The following CXCL12 variants were observed in gnomAD, a reference collection of about 807,000 sequenced individuals.
CXCL12 encodes C-X-C motif chemokine ligand 12.
A neutral mutation model predicts 10.7 loss-of-function variants in CXCL12; 4 were observed. That is an observed-to-expected ratio of 0.37 (90% CI 0.18 to 0.86). The LOEUF is 0.86. CXCL12 is among the 40% of genes least tolerant of loss of function. The pLI is 0.43. For missense variants in CXCL12, 122 were observed against 110.4 expected (o/e 1.10, Z -0.47); for synonymous variants, 54 against 45.4 (o/e 1.19, Z -0.77).
At chr10:44,383,150 C>G (rs563103278) in intron 1 of CXCL12, among the ~76,000 whole-genome samples, 3 of 152,316 alleles carry the variant, frequency 2.0e-5, no homozygotes, top group South Asian at 4.1e-4. Context: ...GGACCCCTGG[C>G]CAAGCTCTCT....
chr10:44,380,951 G>T, intron 1 of CXCL12, 71 bp from the exon 2 acceptor site: 2 of 1,157,728 alleles, frequency 1.7e-6, no homozygotes, highest in Non-Finnish European at 2.6e-6. Context: ...CTGGGCTGCA[G>T]CAGTTGGTGC....
chr10:44,375,925 G>C, downstream of CXCL12: 1 of 1,611,156 alleles, frequency 6.2e-7, no homozygotes. Flanking sequence ...GGTCCATCTC[G>C]AGGTGGCAGA....
At chr10:44,383,647 G>A (rs2132053275) in intron 1 of CXCL12, among the ~76,000 whole-genome samples, 1 of 136,080 alleles carries the variant, frequency 7.3e-6, no homozygotes, top group East Asian at 2.2e-4. Context: ...CACAGCCTCA[G>A]GGACTTTTCA....
At chr10:44,379,592 A>G (rs11594377) in intron 2 of CXCL12, among the ~76,000 whole-genome samples, 28,064 of 152,080 alleles carry the variant, frequency 0.18, 2,719 homozygotes, top group Non-Finnish European at 0.21. Context: ...GGGTGCAGAG[A>G]TGGGTGTGGC....
Position 44,380,615 on chromosome 10 carries a change from A to G in CXCL12, c.179+148T>C, listed in dbSNP as rs1168273712. The G allele has an allele frequency of 1.4e-5, 10 of 732,214 alleles. No homozygotes were observed. In the Admixed American group the frequency reaches 1.6e-4, roughly 11 times the overall value. The allele number at this position is 732,214 out of a possible 1,614,324, so 45.4% of individuals were successfully genotyped here. A position where few individuals can be genotyped will look rare whatever the true frequency, so the allele number is the denominator to read the frequency against. On this transcript the variant is annotated intron_variant, in intron 2 of 2. Transcript: ENST00000343575. ...TGGTGGCATACTAAAGGTCCTCATG[A>G]TAAGAATAGCTGCCACTAATTATGC...
chr10:44,373,155 T>C (rs1190103298), downstream of CXCL12: 2 of 1,537,166 alleles, frequency 1.3e-6, no homozygotes, highest in Non-Finnish European at 1.8e-6. Flanking sequence ...AAAATAAATG[T>C]CATGTATTTT....
At chr10:44,373,594 C>T (rs550470406), downstream of CXCL12, among the ~76,000 whole-genome samples, 1 of 152,326 alleles carries the variant, frequency 6.6e-6, no homozygotes, top group African/African-American at 2.4e-5. Flanking sequence ...AAGCACTGGG[C>T]GTGGCAGACG....
Position 44,378,508 on chromosome 10 carries a change from C to A in CXCL12, c.*125G>T. 7 of 1,553,618 alleles carry A rather than the reference C, an allele frequency of 4.5e-6. No individual in the cohort carries two copies. The South Asian group carries it at 7.2e-5, about 16-fold the overall frequency. Reference sequence around the variant, plus strand: ...GCCCGATCCCAGATCAATGTGCCCACCCCACACACACACCTGGTCCTCATG... The same window carrying A: ...GCCCGATCCCAGATCAATGTGCCCAACCCACACACACACCTGGTCCTCATG... On this transcript the variant is annotated 3_prime_UTR_variant, in exon 3 of 3. Transcript: ENST00000343575.
At chr10:44,376,148 G>T, downstream of CXCL12, 1 of 1,072,502 alleles carries the variant, frequency 9.3e-7, no homozygotes. Context: ...TCAGTCTCAG[G>T]CCTGGAGGCC....
chr10:44,379,372 A>T (rs1378641806), intron 2 of CXCL12, among the ~76,000 whole-genome samples: 1 of 152,128 alleles, frequency 6.6e-6, no homozygotes, highest in African/African-American at 2.4e-5. Flanking sequence ...TTTGTTTTTT[A>T]AAAGTTCACA....
At chr10:44,383,315 A>G (rs372338092) in intron 1 of CXCL12, among the ~76,000 whole-genome samples, 5 of 152,130 alleles carry the variant, frequency 3.3e-5, no homozygotes, top group African/African-American at 7.2e-5. Context: ...TTGGCTGCCA[A>G]TGGGGCAACT....
chr10:44,381,163 T>G (rs1839621197), intron 1 of CXCL12, among the ~76,000 whole-genome samples: 1 of 152,192 alleles, frequency 6.6e-6, no homozygotes, highest in East Asian at 1.9e-4. Flanking sequence ...ACCTGCTCAG[T>G]GTCTCAAGAT....
chr10:44,380,933 A>G, intron 1 of CXCL12, 53 bp from the exon 2 acceptor site: 1 of 1,451,366 alleles, frequency 6.9e-7, no homozygotes. Context: ...GATTTTGGTA[A>G]TGTGTGTCTG....
chr10:44,376,053 C>G, downstream of CXCL12: 1 of 1,597,006 alleles, frequency 6.3e-7, no homozygotes, highest in Non-Finnish European at 8.5e-7. Context: ...ATTAGTAGAA[C>G]CATTAATAAT....
intron 1 of CXCL12, among the ~76,000 whole-genome samples, chr10:44,381,550 G>T (rs938850594): frequency 2.6e-5 from 4 of 152,260 alleles, no homozygotes; most frequent in African/African-American, 9.6e-5. Flanking sequence ...GGAGTTAAAT[G>T]TGGTTTTCAT....
Position 44,385,018 on chromosome 10 carries a change from CG to C in CXCL12, c.-14del. ...CCTTGGCGTTCATGGCGCGGGCGGG[CG>C]GGCGGGCGGGCGGACGAGCGCGGGT... On this transcript the variant is annotated 5_prime_UTR_variant, in exon 1 of 3. Coordinates refer to ENST00000343575, the MANE Select transcript of CXCL12 (RefSeq NM_199168.4). 1 of 81,276 alleles carries C rather than the reference CG, an allele frequency of 1.2e-5. No individual in the cohort carries two copies. The highest frequency in any genetic ancestry group is 2.2e-5 in the Non-Finnish European group (1 of 45,188). 5.0% of individuals were successfully genotyped at this position (81,276 alleles called of 1,614,324 possible).
At chr10:44,374,629 G>A (rs1413481659), downstream of CXCL12, 1 of 456,072 alleles carries the variant, frequency 2.2e-6, no homozygotes, top group East Asian at 7.0e-5. Flanking sequence ...AGAAGGCATG[G>A]CTGTGATCAC....
intron 1 of CXCL12, among the ~76,000 whole-genome samples, chr10:44,382,072 A>T (rs1245783354): frequency 6.6e-6 from 1 of 152,178 alleles, no homozygotes; most frequent in Admixed American, 6.5e-5. Context: ...GTATTCAGCC[A>T]CCAAGTTGCA....
At chr10:44,371,280 G>A (rs532702408), downstream of CXCL12, 37 of 376,794 alleles carry the variant, frequency 9.8e-5, no homozygotes, top group South Asian at 6.5e-4. Context: ...TTTCCTGACT[G>A]TAGTCAAGAT....
Sources: gnomAD v4.1 joint callset for allele counts (sites outside exome capture counted in the v4.1 genomes callset) on GRCh38, gnomAD v4.1.1 for gene constraint, MANE v1.5 for transcripts, NCBI Gene and HGNC (gene_info 2026-07-23, HGNC 2026-07-21) for gene names.